The following CNTNAP2 variants were observed in gnomAD, a reference collection of about 807,000 sequenced individuals.
CNTNAP2 encodes contactin-associated protein-like 2.
CNTNAP2 carries 98 observed loss-of-function variants against 155.2 expected under a neutral mutation model. The observed-to-expected ratio is 0.63, with a 90% CI of 0.54 to 0.75. The LOEUF (loss-of-function observed/expected upper bound fraction) is 0.75, where lower values mean the gene tolerates loss of function less well. Ranked by LOEUF, CNTNAP2 falls within the 30% of genes least tolerant of loss-of-function variation. CNTNAP2 has a pLI of 0.00. For synonymous variants in CNTNAP2, 651 were observed against 631.2 expected, an observed-to-expected ratio of 1.03 and a Z score of -0.47; for missense variants, 1,727 against 1,688.1, an observed-to-expected ratio of 1.02 and a Z score of -0.40.
chr7:146,193,482 C>T (rs1798735840), intron 1 of CNTNAP2, among the ~76,000 whole-genome samples: 1 of 152,220 alleles, frequency 6.6e-6, no homozygotes, highest in Non-Finnish European at 1.5e-5. Flanking sequence ...GCTGCCAAGA[C>T]TTGGGGCTTG....
intron 11 of CNTNAP2, among the ~76,000 whole-genome samples, chr7:147,548,780 G>C (rs922222183): frequency 6.6e-6 from 1 of 152,148 alleles, no homozygotes; most frequent in Admixed American, 6.5e-5. Flanking sequence ...AGATAATTCT[G>C]TATAAGGTGT....
intron 1 of CNTNAP2, among the ~76,000 whole-genome samples, chr7:146,721,290 A>ATG (rs1264872573): frequency 1.6e-5 from 2 of 128,432 alleles, no homozygotes; most frequent in African/African-American, 2.9e-5. Flanking sequence ...TATTCTATAT[A>ATG]TATTCTATAT....
chr7:148,382,214 C>T (rs959794908), intron 21 of CNTNAP2, among the ~76,000 whole-genome samples: 2 of 152,224 alleles, frequency 1.3e-5, no homozygotes, highest in South Asian at 2.1e-4. Context: ...GCTCACAGCC[C>T]CACAGGCCTG....
At chr7:147,514,767 C>T (rs1462914381) in intron 11 of CNTNAP2, among the ~76,000 whole-genome samples, 1 of 152,128 alleles carries the variant, frequency 6.6e-6, no homozygotes, top group Admixed American at 6.6e-5. Context: ...TGCCTCTCTA[C>T]ACTCACAACC....
intron 21 of CNTNAP2, among the ~76,000 whole-genome samples, chr7:148,334,738 G>A (rs1028606266): frequency 6.6e-6 from 1 of 152,240 alleles, no homozygotes; most frequent in Non-Finnish European, 1.5e-5. Flanking sequence ...CAAGAAGAGA[G>A]AGATTAGCAA....
In CNTNAP2 at chr7:147,108,277, C is replaced by A. The variant is rs142984073; in HGVS notation, c.681C>A (p.His227Gln). 8 of 1,613,550 alleles carry A rather than the reference C, an allele frequency of 5.0e-6. No homozygotes were observed. In the East Asian group the frequency reaches 1.3e-4, roughly 27 times the overall value. ...KTSESEGVIL[H>Q]GEGQQGDYIT... ...CTGAAAGTGAAGGAGTAATCCTGCA[C>A]GGAGAAGGACAGCAAGGAGATTACA... Residue 227 changes from histidine to glutamine, a missense_variant, in exon 5 of 24, where the codon CAC (histidine) becomes CAA (glutamine). By Grantham distance (24) the His-to-Gln change is conservative. Coordinates refer to ENST00000361727, the MANE Select transcript of CNTNAP2 (RefSeq NM_014141.6).
chr7:147,471,517 T>C (rs1798215104), intron 10 of CNTNAP2, among the ~76,000 whole-genome samples: 2 of 152,260 alleles, frequency 1.3e-5, no homozygotes, highest in Admixed American at 1.3e-4. Context: ...TATAGAATCA[T>C]GTTCTTAGCA....
In CNTNAP2 at chr7:148,112,597, G is replaced by A. The variant is rs113221408; in HGVS notation, c.2384-5521G>A. ...TTTTTCAGAGACAGGATCTCACTGT[G>A]TTGCCCAGGCTGGTCTTGAACTCCT... On this transcript the variant is annotated intron_variant, in intron 15 of 23. Transcript: ENST00000361727. Among the ~76,000 whole-genome samples the A allele has an allele frequency of 8.9e-3, 1,350 of 151,958 alleles. 24 individuals are homozygous for A. The highest frequency in any genetic ancestry group is 0.031 in the African/African-American group (1,273 of 41,408).
At chr7:146,375,624 C>A (rs1430750779) in intron 1 of CNTNAP2, among the ~76,000 whole-genome samples, 1 of 152,100 alleles carries the variant, frequency 6.6e-6, no homozygotes, top group Non-Finnish European at 1.5e-5. Context: ...TTTCTTATGG[C>A]AAATTTTGTG....
chr7:147,111,609 AT>A (rs2129280419), intron 5 of CNTNAP2, among the ~76,000 whole-genome samples: 1 of 152,282 alleles, frequency 6.6e-6, no homozygotes, highest in African/African-American at 2.4e-5. Flanking sequence ...TTCCAGCACC[AT>A]TTATTCAATG....
rs183190047 is a variant in CNTNAP2 at position 147,138,731 on chromosome 7, C to G, written c.1348+6222C>G. On this transcript the variant is annotated intron_variant, in intron 8 of 23. Transcript: ENST00000361727. ...AGGGACATTTTAATTTATAATCACA[C>G]TCCAGGACACCATTTCCATTCTAGT... Among the ~76,000 whole-genome samples, 354 of 152,096 alleles carry G rather than the reference C, an allele frequency of 2.3e-3. 1 individual carries two copies. The highest frequency in any genetic ancestry group is 8.2e-3 in the African/African-American group (340 of 41,530).
chr7:146,757,414 T>G (rs1802012322), intron 1 of CNTNAP2, among the ~76,000 whole-genome samples: 1 of 152,182 alleles, frequency 6.6e-6, no homozygotes, highest in South Asian at 2.1e-4. Context: ...TAAATAAGTT[T>G]AATTTCTTTA....
chr7:147,882,425 A>T (rs1192335728), intron 13 of CNTNAP2, among the ~76,000 whole-genome samples: 7 of 152,210 alleles, frequency 4.6e-5, no homozygotes, highest in Admixed American at 3.9e-4. Context: ...CAAATAGTGG[A>T]CATCTGAATC....
At chr7:147,493,233 A>G (rs1263544316) in intron 11 of CNTNAP2, among the ~76,000 whole-genome samples, 1 of 152,220 alleles carries the variant, frequency 6.6e-6, no homozygotes, top group Non-Finnish European at 1.5e-5. Flanking sequence ...AAAGGTTTTT[A>G]TTAGCAAGTA....
chr7:148,004,196 A>G (rs1801938192), intron 15 of CNTNAP2, among the ~76,000 whole-genome samples: 1 of 152,166 alleles, frequency 6.6e-6, no homozygotes. Context: ...CATGTTTTAA[A>G]CCATGATAAA....
chr7:147,797,384 T>C (rs1797914053), intron 13 of CNTNAP2, among the ~76,000 whole-genome samples: 1 of 152,112 alleles, frequency 6.6e-6, no homozygotes, highest in Non-Finnish European at 1.5e-5. Context: ...ACTAAATATG[T>C]TCTTATTGAC....
chr7:146,845,365 G>GT (rs1283571782), intron 3 of CNTNAP2, among the ~76,000 whole-genome samples: 1 of 152,102 alleles, frequency 6.6e-6, no homozygotes, highest in Non-Finnish European at 1.5e-5. Flanking sequence ...TGTTTCATTT[G>GT]TTTGTTTTAT....
chr7:146,167,271 T>C (rs1416012861), intron 1 of CNTNAP2, among the ~76,000 whole-genome samples: 1 of 152,234 alleles, frequency 6.6e-6, no homozygotes, highest in African/African-American at 2.4e-5. Context: ...ACACTCATTG[T>C]TGGTCATATA....
At chr7:147,259,605 G>T (rs1375338214) in intron 8 of CNTNAP2, among the ~76,000 whole-genome samples, 2 of 152,156 alleles carry the variant, frequency 1.3e-5, no homozygotes, top group African/African-American at 4.8e-5. Context: ...GTATATGGAG[G>T]ACATTTATGG....
Sources: allele counts gnomAD v4.1 joint callset (sites outside exome capture counted in the v4.1 genomes callset), GRCh38; gene constraint gnomAD v4.1.1; transcripts MANE v1.5; gene names NCBI Gene and HGNC (gene_info 2026-07-23, HGNC 2026-07-21).